The following TENM3 variants were observed in gnomAD, a reference collection of about 807,000 sequenced individuals.
TENM3 encodes teneurin-3.
In TENM3, 63 loss-of-function variants were observed where a neutral mutation model predicts 255.1. That is an observed-to-expected ratio of 0.25 (90% CI 0.20 to 0.30). TENM3 has a LOEUF of 0.30. TENM3 is among the 10% of genes least tolerant of loss of function. The probability of loss-of-function intolerance (pLI) is 1.00; values close to 1 mark genes in which losing one functional copy is unlikely to be tolerated. For synonymous variants in TENM3, 1,306 were observed against 1,322.3 expected (o/e 0.99, Z 0.27); for missense variants, 2,929 against 3,461.1 (o/e 0.85, Z 3.86).
At chr4:182,148,009 T>C (rs1561138665) in intron 1 of TENM3, among the ~76,000 whole-genome samples, 1 of 152,148 alleles carries the variant, frequency 6.6e-6, no homozygotes, top group East Asian at 1.9e-4. Flanking sequence ...GATGGAAATT[T>C]TGTGCTTCAA....
the TENM3 span, among the ~76,000 whole-genome samples, chr4:181,741,864 A>G: frequency 6.6e-6 from 1 of 152,202 alleles, no homozygotes; most frequent in Non-Finnish European, 1.5e-5. Context: ...TCACAACCGT[A>G]TTATTATTAG....
At chr4:181,942,985 A>G in the TENM3 span, among the ~76,000 whole-genome samples, 1 of 152,194 alleles carries the variant, frequency 6.6e-6, no homozygotes, top group Non-Finnish European at 1.5e-5. Context: ...AGAAATTATA[A>G]AGACAATCTT....
At chr4:182,720,446 C>G (rs75531492) in intron 13 of TENM3, among the ~76,000 whole-genome samples, 2,425 of 152,052 alleles carry the variant, frequency 0.016, 31 homozygotes, top group Non-Finnish European at 0.025. Flanking sequence ...TGCTTACAGT[C>G]TCAGAGCATT....
chr4:181,667,708 C>T, the TENM3 span, among the ~76,000 whole-genome samples: 1 of 152,136 alleles, frequency 6.6e-6, no homozygotes, highest in African/African-American at 2.4e-5. Flanking sequence ...CCTCCAGAAC[C>T]AAGAGCCAAT....
the TENM3 span, among the ~76,000 whole-genome samples, chr4:182,112,844 G>C: frequency 1.3e-5 from 2 of 152,112 alleles, no homozygotes; most frequent in East Asian, 1.9e-4. Flanking sequence ...CTCCTCCCTT[G>C]GATAAATGCT....
chr4:182,368,867 A>G (rs567093461), intron 3 of TENM3, among the ~76,000 whole-genome samples: 2 of 152,262 alleles, frequency 1.3e-5, no homozygotes, highest in South Asian at 4.1e-4. Context: ...CAGAGAGGAG[A>G]GAGTGTCTGT....
intron 3 of TENM3, among the ~76,000 whole-genome samples, chr4:182,353,730 G>C (rs1765333896): frequency 6.6e-6 from 1 of 152,146 alleles, no homozygotes; most frequent in Non-Finnish European, 1.5e-5. Flanking sequence ...CACTTTGGGA[G>C]GCCAAGGCGG....
chr4:182,312,372 G>C (rs1762501717), intron 1 of TENM3, among the ~76,000 whole-genome samples: 1 of 152,034 alleles, frequency 6.6e-6, no homozygotes, highest in Non-Finnish European at 1.5e-5. Flanking sequence ...AAAAAATAAA[G>C]AAATAAAATA....
At chr4:182,700,992 A>G (rs1267138537) in intron 12 of TENM3, among the ~76,000 whole-genome samples, 2 of 151,920 alleles carry the variant, frequency 1.3e-5, no homozygotes, top group African/African-American at 2.4e-5. Context: ...CAGCTCCACC[A>G]CTTAGTGCAC....
At chr4:182,388,808 C>T (rs1195553503) in intron 3 of TENM3, among the ~76,000 whole-genome samples, 2 of 152,140 alleles carry the variant, frequency 1.3e-5, no homozygotes, top group Non-Finnish European at 2.9e-5. Flanking sequence ...TTATCTGTGT[C>T]ACAAACACCA....
the TENM3 span, among the ~76,000 whole-genome samples, chr4:181,625,629 G>A: frequency 2.0e-5 from 3 of 151,984 alleles, no homozygotes; most frequent in African/African-American, 4.8e-5. Context: ...TGGCTAACAC[G>A]ATGAAACCCC....
chr4:182,154,154 TAAAA>T (rs1561143505), intron 1 of TENM3, among the ~76,000 whole-genome samples: 1 of 152,008 alleles, frequency 6.6e-6, no homozygotes, highest in Non-Finnish European at 1.5e-5. Flanking sequence ...TTTTTTTCCT[TAAAA>T]GAAAGATCTC....
chr4:181,693,985 C>A, the TENM3 span, among the ~76,000 whole-genome samples: 2 of 152,094 alleles, frequency 1.3e-5, no homozygotes, highest in Non-Finnish European at 2.9e-5. Context: ...AATACCTGGG[C>A]ATCTTTAATA....
At chr4:181,724,507 A>G in the TENM3 span, among the ~76,000 whole-genome samples, 1 of 152,160 alleles carries the variant, frequency 6.6e-6, no homozygotes, top group African/African-American at 2.4e-5. Flanking sequence ...TTTGTTTTCT[A>G]AAGTAACTTA....
chr4:182,149,750 G>A (rs1156517444), intron 1 of TENM3, among the ~76,000 whole-genome samples: 1 of 152,014 alleles, frequency 6.6e-6, no homozygotes, highest in African/African-American at 2.4e-5. Context: ...GGAGTGAAAT[G>A]TAGCATAACA....
At chr4:181,683,690 G>A in the TENM3 span, among the ~76,000 whole-genome samples, 1 of 152,304 alleles carries the variant, frequency 6.6e-6, no homozygotes, top group South Asian at 2.1e-4. Context: ...TGGTCTAGGA[G>A]AGGCGAAGAG....
At chr4:181,877,734 G>A in the TENM3 span, among the ~76,000 whole-genome samples, 1 of 152,146 alleles carries the variant, frequency 6.6e-6, no homozygotes, top group East Asian at 1.9e-4. Flanking sequence ...TACAGCAAGA[G>A]GAAGGAACAA....
the TENM3 span, among the ~76,000 whole-genome samples, chr4:181,621,735 C>G: frequency 5.3e-5 from 8 of 152,180 alleles, no homozygotes; most frequent in South Asian, 6.2e-4. Flanking sequence ...TTCGTGGAGT[C>G]AAGAAGGGAA....
chr4:181,560,161 G>A, the TENM3 span, among the ~76,000 whole-genome samples: 2 of 152,146 alleles, frequency 1.3e-5, no homozygotes, highest in Admixed American at 6.5e-5. Flanking sequence ...CAGACTCAGC[G>A]TCTGGTGAGC....
Sources: allele counts gnomAD v4.1 joint callset (sites outside exome capture counted in the v4.1 genomes callset), GRCh38; gene constraint gnomAD v4.1.1; transcripts MANE v1.5; gene names NCBI Gene and HGNC (gene_info 2026-07-23, HGNC 2026-07-21).